Variants in CRACD observed in about 807,000 individuals in gnomAD.
CRACD encodes the protein capping protein-inhibiting regulator of actin dynamics.
A neutral mutation model predicts 106.8 loss-of-function variants in CRACD; 56 were observed. The ratio of observed to expected loss-of-function variants is 0.52; its 90% CI spans 0.42 to 0.66. The LOEUF (loss-of-function observed/expected upper bound fraction) is 0.66. Among genes scored for constraint, CRACD ranks in the 30% least tolerant of loss-of-function variants. The pLI is 0.00. For synonymous variants in CRACD, 754 were observed against 670.8 expected, an observed-to-expected ratio of 1.12 and a Z score of -1.92; for missense variants, 1,730 against 1,623.2, an observed-to-expected ratio of 1.07 and a Z score of -1.13.
chr4:56,101,622 G>T (rs563132450), intron 1 of CRACD, among the ~76,000 whole-genome samples: 2 of 151,986 alleles, frequency 1.3e-5, no homozygotes, highest in Non-Finnish European at 2.9e-5. Context: ...AATTAGCTGG[G>T]TGTGGTGGTG....
chr4:56,103,217 C>T (rs906741417), intron 1 of CRACD, among the ~76,000 whole-genome samples: 12 of 152,164 alleles, frequency 7.9e-5, no homozygotes, highest in African/African-American at 2.9e-4. Context: ...TACACATATT[C>T]TTCAGGAAAA....
At chr4:56,117,842 C>G (rs1336058453) in intron 1 of CRACD, among the ~76,000 whole-genome samples, 1 of 151,890 alleles carries the variant, frequency 6.6e-6, no homozygotes, top group African/African-American at 2.4e-5. Flanking sequence ...ACTGCAACCT[C>G]CACCTCCCAG....
At chr4:56,279,139 C>A (rs1432465179) in intron 3 of CRACD, among the ~76,000 whole-genome samples, 5 of 152,156 alleles carry the variant, frequency 3.3e-5, no homozygotes, top group Non-Finnish European at 7.3e-5. Context: ...GGTGACAGTG[C>A]TATTAGTGTT....
chr4:56,310,921 C>T (rs766547623), intron 6 of CRACD, 187 bp downstream of exon 6: 12 of 572,432 alleles, frequency 2.1e-5, no homozygotes, highest in Non-Finnish European at 3.4e-5. Flanking sequence ...GGCAAGGCAA[C>T]TGCTGGAACT....
intron 2 of CRACD, among the ~76,000 whole-genome samples, chr4:56,271,092 T>G: frequency 1.5e-5 from 2 of 133,174 alleles, no homozygotes; most frequent in East Asian, 2.2e-4. Context: ...GCGATAAGAG[T>G]GAAACTCCAT....
chr4:56,177,923 T>C (rs1273292877), intron 1 of CRACD, among the ~76,000 whole-genome samples: 1 of 152,222 alleles, frequency 6.6e-6, no homozygotes, highest in East Asian at 1.9e-4. Flanking sequence ...TAGGTAAAGA[T>C]TTGTCAAATT....
At chr4:56,124,103 A>G (rs1396261238) in intron 1 of CRACD, among the ~76,000 whole-genome samples, 1 of 152,054 alleles carries the variant, frequency 6.6e-6, no homozygotes, top group Non-Finnish European at 1.5e-5. Context: ...ACACCCAGCT[A>G]ATTTTTGAAT....
At chr4:56,227,212 C>A (rs867028753) in intron 2 of CRACD, among the ~76,000 whole-genome samples, 1 of 152,134 alleles carries the variant, frequency 6.6e-6, no homozygotes, top group Non-Finnish European at 1.5e-5. Flanking sequence ...GTCAGATAAG[C>A]AAGTTGTTGC....
chr4:56,154,303 C>T (rs1365622013), intron 1 of CRACD, among the ~76,000 whole-genome samples: 1 of 151,864 alleles, frequency 6.6e-6, no homozygotes, highest in East Asian at 1.9e-4. Context: ...CCGTGTCTAC[C>T]AAAAATACAA....
intron 2 of CRACD, among the ~76,000 whole-genome samples, chr4:56,223,241 A>G (rs888689154): frequency 6.7e-6 from 1 of 149,030 alleles, no homozygotes; most frequent in Non-Finnish European, 1.5e-5. Flanking sequence ...TTTTTTCCTA[A>G]TAACACCTTG....
At chr4:56,213,023 G>T (rs1183024880) in intron 2 of CRACD, among the ~76,000 whole-genome samples, 1 of 152,184 alleles carries the variant, frequency 6.6e-6, no homozygotes, top group Non-Finnish European at 1.5e-5. Flanking sequence ...CTGCACAAAA[G>T]CAGTGGACAC....
chr4:56,239,528 A>G (rs1408009927), intron 2 of CRACD, among the ~76,000 whole-genome samples: 1 of 152,016 alleles, frequency 6.6e-6, no homozygotes, highest in East Asian at 1.9e-4. Flanking sequence ...TTATCCAAGA[A>G]TGATACAGAG....
intron 1 of CRACD, among the ~76,000 whole-genome samples, chr4:56,177,037 G>A (rs1304601852): frequency 1.3e-5 from 2 of 152,026 alleles, no homozygotes; most frequent in Non-Finnish European, 2.9e-5. Context: ...TTTGCAATTT[G>A]GACGCCCTTT....
At chr4:56,139,458 G>T (rs547466851) in intron 1 of CRACD, among the ~76,000 whole-genome samples, 2 of 152,146 alleles carry the variant, frequency 1.3e-5, no homozygotes, top group Non-Finnish European at 2.9e-5. Flanking sequence ...GCAAGGATAT[G>T]GAGGAGAAAA....
rs1000431736 is a variant in CRACD at position 56,307,681 on chromosome 4, C to G, written c.267C>G (p.Leu89=). ...TTGTGACTCAGCAGGACATCGTCCT[C>G]TCAGACGCAGAGAACAAGGTAAGTC... ...MEIVTQQDIV[L]SDAENKSSDT... Residue 89 remains leucine, a synonymous_variant, in exon 5 of 11, where the codon CTC becomes CTG. Coordinates refer to ENST00000682029, the MANE Select transcript of CRACD (RefSeq NM_001393381.1). 1.2e-6 allele frequency: 2 copies of G among 1,614,020 alleles called. No homozygotes were observed. The highest frequency in any genetic ancestry group is 1.7e-6 in the Non-Finnish European group (2 of 1,180,042).
At chr4:56,163,806 C>T (rs898562873) in intron 1 of CRACD, among the ~76,000 whole-genome samples, 1 of 151,998 alleles carries the variant, frequency 6.6e-6, no homozygotes, top group African/African-American at 2.4e-5. Context: ...AGTGCCATGG[C>T]ACAGTCTCAG....
chr4:56,329,192 A>T lies in CRACD; in HGVS notation c.*1388A>T, dbSNP rs982018128. ...ATTTACATGAAACAGACATACTGGC[A>T]AACTCACATATTGCTGGTGCTAACC... On this transcript the variant is annotated 3_prime_UTR_variant, in exon 11 of 11. Transcript: ENST00000682029. 2.0e-5 allele frequency among the ~76,000 whole-genome samples: 3 copies of T among 152,236 alleles called. No individual in the cohort carries two copies. Among genetic ancestry groups the T allele is most frequent in the Non-Finnish European group, 1.5e-5 (1 of 68,042 alleles).
intron 1 of CRACD, among the ~76,000 whole-genome samples, chr4:56,177,040 C>A (rs77442280): frequency 6.6e-6 from 1 of 152,070 alleles, no homozygotes; most frequent in Admixed American, 6.6e-5. Context: ...GCAATTTGGA[C>A]GCCCTTTATT....
rs571208055 is a variant in CRACD at position 56,069,638 on chromosome 4, G to A, written c.-336+20339G>A. ...ACTCAGTTACTTTTGTTCTAAACTA[G>A]CCTCAGATGACTTCCCCCCAGGGAA... On this transcript the variant is annotated intron_variant, in intron 1 of 10. Transcript: ENST00000682029. Among the ~76,000 whole-genome samples, 30 of 152,304 alleles carry A rather than the reference G, an allele frequency of 2.0e-4. No individual in the cohort carries two copies. In the South Asian group the frequency reaches 5.8e-3, roughly 29 times the overall value.
Sources: allele counts gnomAD v4.1 joint callset (sites outside exome capture counted in the v4.1 genomes callset), GRCh38; gene constraint gnomAD v4.1.1; transcripts MANE v1.5; gene names NCBI Gene and HGNC (gene_info 2026-07-23, HGNC 2026-07-21).